Variants in TBXAS1 observed in about 807,000 individuals in gnomAD.
TBXAS1 encodes thromboxane A synthase 1.
A neutral mutation model predicts 60.7 loss-of-function variants in TBXAS1; 48 were observed. The ratio of observed to expected loss-of-function variants is 0.79; its 90% CI spans 0.63 to 1.01. TBXAS1 has a LOEUF of 1.01. Ranked by LOEUF, TBXAS1 falls within the 50% of genes least tolerant of loss-of-function variation. TBXAS1 has a pLI of 0.00. For synonymous variants in TBXAS1, 287 were observed against 269.7 expected (o/e 1.06, Z -0.63); for missense variants, 685 against 686.3 (o/e 1.00, Z 0.02).
intron 5 of TBXAS1, among the ~76,000 whole-genome samples, chr7:139,951,971 A>AAAG (rs1412669428): frequency 1.4e-5 from 2 of 142,512 alleles, no homozygotes; most frequent in Non-Finnish European, 3.1e-5. Flanking sequence ...AGAAAGAAAG[A>AAAG]AAGAAAGAAA....
At chr7:139,934,346 G>A (rs1224721208) in intron 4 of TBXAS1, among the ~76,000 whole-genome samples, 1 of 151,910 alleles carries the variant, frequency 6.6e-6, no homozygotes, top group Middle Eastern at 3.4e-3. Flanking sequence ...CTGCCACCAC[G>A]CCTGGCTAAT....
intron 3 of TBXAS1, among the ~76,000 whole-genome samples, chr7:139,889,098 C>T (rs1260203994): frequency 2.6e-5 from 4 of 151,694 alleles, no homozygotes; most frequent in African/African-American, 9.7e-5. Flanking sequence ...ATTGGGAGGC[C>T]GAGGTGGGGA....
chr7:139,948,213 G>A (rs906781327), intron 5 of TBXAS1, among the ~76,000 whole-genome samples: 3 of 152,118 alleles, frequency 2.0e-5, no homozygotes, highest in Non-Finnish European at 4.4e-5. Flanking sequence ...CAGCGTTGTT[G>A]GTTTCCAGGG....
intron 9 of TBXAS1, among the ~76,000 whole-genome samples, chr7:139,972,448 A>G (rs978539863): frequency 6.6e-6 from 1 of 152,196 alleles, no homozygotes; most frequent in Non-Finnish European, 1.5e-5. Context: ...TTGCAACTGA[A>G]TGGCTCATTT....
At chr7:139,842,660 C>T (rs1799530886) in intron 1 of TBXAS1, among the ~76,000 whole-genome samples, 1 of 152,240 alleles carries the variant, frequency 6.6e-6, no homozygotes, top group Non-Finnish European at 1.5e-5. Flanking sequence ...TGCACAACTT[C>T]CTGGTGGATA....
intron 4 of TBXAS1, among the ~76,000 whole-genome samples, chr7:139,808,724 C>A (rs1797939697): frequency 6.6e-6 from 1 of 152,134 alleles, no homozygotes; most frequent in African/African-American, 2.4e-5. Context: ...CACTGCTCTC[C>A]CCACATTGCA....
intron 7 of TBXAS1, 98 bp downstream of exon 7, chr7:139,955,705 T>G: frequency 1.3e-6 from 2 of 1,550,260 alleles, no homozygotes; most frequent in Non-Finnish European, 1.8e-6. Flanking sequence ...TCCCTGCCAC[T>G]GGGAAAGGGC....
rs141602429 is a variant in TBXAS1, at chr7:139,957,688, G to A, written c.743G>A (p.Arg248Gln). 15 of 1,613,922 alleles carry A rather than the reference G, an allele frequency of 9.3e-6. No homozygotes were observed. Among genetic ancestry groups the A allele is most frequent in the African/African-American group, 6.7e-5 (5 of 74,856 alleles). ...PLARILPNKN[R>Q]DELNGFFNKL... ...GCCCGGATTTTGCCCAATAAGAACCGAGACGAACTGAATGGCTTTTTTAAC... is the reference window on the plus strand; with the variant it reads ...GCCCGGATTTTGCCCAATAAGAACCAAGACGAACTGAATGGCTTTTTTAAC... Residue 248 changes from arginine (R) to glutamine (Q), a missense_variant, in exon 8 of 13, where the codon CGA becomes CAA. Transcript: ENST00000448866.
intron 4 of TBXAS1, among the ~76,000 whole-genome samples, chr7:139,933,903 C>A (rs773816385): frequency 4.6e-5 from 7 of 152,128 alleles, no homozygotes; most frequent in Non-Finnish European, 8.8e-5. Context: ...GTGGGGGCTC[C>A]AGTTTTGACC....
In TBXAS1 at chr7:139,856,495, C is replaced by T. The variant is rs143907948; in HGVS notation, c.90-15740C>T. ...ATTTCTCATAAAGGGTTGCGGCCTT[C>T]GGGTGGCCATTCCGACAGGCTAGGA... On this transcript the variant is annotated intron_variant, in intron 1 of 12. Transcript: ENST00000448866. 7.0e-4 allele frequency among the ~76,000 whole-genome samples: 107 copies of T among 152,168 alleles called. 1 individual carries two copies. Among genetic ancestry groups the T allele is most frequent in the East Asian group, 1.2e-3 (6 of 5,172 alleles).
At chr7:139,785,411 CA>C (rs1416198644) in intron 3 of TBXAS1, among the ~76,000 whole-genome samples, 1 of 152,102 alleles carries the variant, frequency 6.6e-6, no homozygotes, top group African/African-American at 2.4e-5. Context: ...AAACAATAAC[CA>C]CCTCCTAGTC....
At chr7:139,980,976 C>T (rs1367283973) in intron 9 of TBXAS1, among the ~76,000 whole-genome samples, 1 of 151,766 alleles carries the variant, frequency 6.6e-6, no homozygotes, top group Non-Finnish European at 1.5e-5. Flanking sequence ...ACCAAAAATA[C>T]TGGTAGTATA....
At chr7:139,947,304 T>C (rs184476635) in intron 5 of TBXAS1, among the ~76,000 whole-genome samples, 1 of 152,100 alleles carries the variant, frequency 6.6e-6, no homozygotes, top group Non-Finnish European at 1.5e-5. Context: ...CTCAGCTAAC[T>C]AACACAGGAA....
In TBXAS1 at chr7:139,896,419, G is replaced by A. The variant is rs1297147324; in HGVS notation, c.237-14806G>A. On this transcript the variant is annotated intron_variant, in intron 3 of 12. Transcript: ENST00000448866. This position sits in a 1 kb window ranked among gnomAD's most constrained non-coding sequence, Gnocchi z 4.0. ...AGCAGGGGGAATACTGCACATCTGG[G>A]GAACCATAAATAACTTTTTCACAGC... Among the ~76,000 whole-genome samples the A allele has an allele frequency of 6.6e-6, 1 of 152,134 alleles. No individual in the cohort carries two copies. Among genetic ancestry groups the A allele is most frequent in the African/African-American group, 2.4e-5 (1 of 41,424 alleles).
At chr7:139,931,092 TACAC>T (rs536637496) in intron 4 of TBXAS1, among the ~76,000 whole-genome samples, 131 of 151,914 alleles carry the variant, frequency 8.6e-4, no homozygotes, top group Non-Finnish European at 1.7e-3. Flanking sequence ...CATACACACA[TACAC>T]ACACATGCAT....
chr7:139,956,913 G>A (rs1218110590), intron 7 of TBXAS1, among the ~76,000 whole-genome samples: 2 of 152,248 alleles, frequency 1.3e-5, no homozygotes, highest in African/African-American at 4.8e-5. Flanking sequence ...CATTCTGAGA[G>A]CATGTGTGTC....
chr7:139,909,355 G>A (rs1805342398), intron 3 of TBXAS1, among the ~76,000 whole-genome samples: 1 of 152,190 alleles, frequency 6.6e-6, no homozygotes, highest in Non-Finnish European at 1.5e-5. Flanking sequence ...ATGCTGTTAA[G>A]TGTCCACAGC....
At chr7:139,957,521 C>T (rs765411077) in intron 7 of TBXAS1, 113 bp from the exon 8 acceptor site, 18 of 1,455,246 alleles carry the variant, frequency 1.2e-5, no homozygotes, top group Non-Finnish European at 1.3e-5. Context: ...GAGGGCAGGA[C>T]TCCAAAACGG....
chr7:139,837,570 C>T (rs781049845), intron 1 of TBXAS1, among the ~76,000 whole-genome samples: 26 of 152,162 alleles, frequency 1.7e-4, no homozygotes, highest in Non-Finnish European at 3.5e-4. Context: ...AATGGAAAAC[C>T]AAACACCGTA....
Sources: allele counts gnomAD v4.1 joint callset (sites outside exome capture counted in the v4.1 genomes callset), GRCh38; gene constraint gnomAD v4.1.1; non-coding constraint Gnocchi (gnomAD v3.1); transcripts MANE v1.5; gene names NCBI Gene and HGNC (gene_info 2026-07-23, HGNC 2026-07-21).